Variants in CCDC14 observed in about 807,000 individuals in gnomAD.
CCDC14 encodes the protein coiled-coil domain containing 14.
In CCDC14, 71 loss-of-function variants were observed where a neutral mutation model predicts 81.4. The ratio of observed to expected loss-of-function variants is 0.87; its 90% CI spans 0.72 to 1.06. The LOEUF is 1.06. CCDC14 is among the 50% of genes least tolerant of loss of function. The pLI is 0.00. For synonymous variants in CCDC14, 332 were observed against 364.8 expected (o/e 0.91, Z 1.03); for missense variants, 1,046 against 1,047.3 (o/e 1.00, Z 0.02).
chr3:123,935,627 T>C (rs2036017356), intron 9 of CCDC14, among the ~76,000 whole-genome samples: 1 of 152,208 alleles, frequency 6.6e-6, no homozygotes, highest in Non-Finnish European at 1.5e-5. Flanking sequence ...CTGAGACACA[T>C]TATGAAGTGA....
chr3:123,938,511 G>A (rs1225594246), intron 9 of CCDC14, among the ~76,000 whole-genome samples: 1 of 151,764 alleles, frequency 6.6e-6, no homozygotes, highest in Non-Finnish European at 1.5e-5. Flanking sequence ...GATTCCATAG[G>A]ATCTTCTACA....
chr3:123,909,145 G>C (rs1445466577), downstream of CCDC14, among the ~76,000 whole-genome samples: 1 of 151,952 alleles, frequency 6.6e-6, no homozygotes, highest in East Asian at 1.9e-4. Context: ...CCCACTCTGG[G>C]CCTAGAGATC....
At chr3:123,915,815 AGTGTCTG>A in intron 12 of CCDC14, 97 bp from the exon 13 acceptor site, 1 of 933,076 alleles carries the variant, frequency 1.1e-6, no homozygotes, top group Non-Finnish European at 1.6e-6. Context: ...ATTTGAGAGA[AGTGTCTG>A]GTTCTTAATA....
chr3:123,930,328 G>T (rs955929283), intron 12 of CCDC14, among the ~76,000 whole-genome samples: 2 of 152,188 alleles, frequency 1.3e-5, no homozygotes, highest in Non-Finnish European at 2.9e-5. Context: ...ACACAAGGAA[G>T]ATTATTTTAT....
intron 9 of CCDC14, among the ~76,000 whole-genome samples, chr3:123,935,829 T>C (rs917168775): frequency 1.3e-5 from 2 of 152,118 alleles, no homozygotes; most frequent in Non-Finnish European, 2.9e-5. Flanking sequence ...AAGCCTCTCA[T>C]TCCTACCCTC....
chr3:123,933,731 T>A lies in CCDC14; in HGVS notation c.1368A>T (p.Gln456His). The stretch of plus-strand genomic sequence containing the variant: ...TTTGAGTTTTCTGTTGTTCTCTGAG[T>A]TGCTGGTTCAAAATTCTCAACTGCC... ...LRRQLRILNQ[Q>H]LREQQKTQKP... The change falls in exon 10 of 13, where the codon CAA (glutamine) becomes CAT (histidine). Residue 456 changes from glutamine to histidine, a missense_variant. Coordinates refer to ENST00000409697, the MANE Select transcript of CCDC14 (RefSeq NM_001366335.1). 1 of 1,571,178 alleles carries A rather than the reference T, an allele frequency of 6.4e-7. No individual in the cohort carries two copies.
In CCDC14 at chr3:123,917,445, A is replaced by G. The variant is rs1474794888; in HGVS notation, c.1779-1727T>C. Among the ~76,000 whole-genome samples the G allele has an allele frequency of 5.9e-5, 9 of 151,512 alleles. 1 individual carries two copies. Among genetic ancestry groups the G allele is most frequent in the Non-Finnish European group, 1.5e-5 (1 of 67,860 alleles). ...GGGAGGCAGAGGGTGCAGTAAGCCA[A>G]GATCACTCCACCGCACTCCAGCCTG... On this transcript the variant is annotated intron_variant, in intron 12 of 12. Transcript: ENST00000409697.
At chr3:123,913,146 C>T (rs1335121679), downstream of CCDC14, among the ~76,000 whole-genome samples, 2 of 152,106 alleles carry the variant, frequency 1.3e-5, no homozygotes, top group Non-Finnish European at 2.9e-5. Flanking sequence ...GAAATTTAAC[C>T]AAATTATTGC....
intron 12 of CCDC14, among the ~76,000 whole-genome samples, chr3:123,930,109 TA>T (rs1311608051): frequency 8.1e-4 from 124 of 152,302 alleles, no homozygotes; most frequent in African/African-American, 2.8e-3. Flanking sequence ...CATTGTTAAA[TA>T]AAAGTTTGAA....
intron 12 of CCDC14, among the ~76,000 whole-genome samples, chr3:123,925,516 A>C (rs1490855443): frequency 6.6e-6 from 1 of 151,880 alleles, no homozygotes; most frequent in Non-Finnish European, 1.5e-5. Flanking sequence ...GCTCATCGCA[A>C]CCTCTGCCTC....
At chr3:123,912,611 G>GC (rs1235314829), downstream of CCDC14, among the ~76,000 whole-genome samples, 4 of 151,884 alleles carry the variant, frequency 2.6e-5, no homozygotes, top group Non-Finnish European at 5.9e-5. Context: ...CTGAACTACT[G>GC]CAACAGCTTT....
chr3:123,915,250 T>C lies in CCDC14; in HGVS notation c.2247A>G (p.Leu749=), dbSNP rs1412516280. ...CTGCTCTTATTTGTGGCTGAGGGGA[T>C]AGTCTCTTAGAAAGTGGTGATTTCT... ...PEKKSPLSKR[L]SPQPQIRAAT... Residue 749 remains leucine (L), a synonymous_variant, in exon 13 of 13, where the codon CTA becomes CTG. Coordinates refer to ENST00000409697, the MANE Select transcript of CCDC14 (RefSeq NM_001366335.1). The C allele has an allele frequency of 3.7e-6, 6 of 1,613,834 alleles. No individual in the cohort carries two copies. Among genetic ancestry groups the C allele is most frequent in the African/African-American group, 2.7e-5 (2 of 74,940 alleles).
chr3:123,909,121 A>G (rs1294700886), downstream of CCDC14, among the ~76,000 whole-genome samples: 4 of 151,984 alleles, frequency 2.6e-5, no homozygotes, highest in East Asian at 3.9e-4. Flanking sequence ...AAATATTTGA[A>G]TCTGGTCTCT....
chr3:123,961,039 ATTGTCT>A, intron 1 of CCDC14, 99 bp downstream of exon 1: 1 of 1,023,826 alleles, frequency 9.8e-7, no homozygotes, highest in Non-Finnish European at 1.4e-6. Context: ...ATGTCGCCGC[ATTGTCT>A]TTGTCTTTTT....
intron 7 of CCDC14, among the ~76,000 whole-genome samples, chr3:123,947,959 A>G (rs1367227915): frequency 6.6e-6 from 1 of 152,182 alleles, no homozygotes; most frequent in East Asian, 1.9e-4. Context: ...ATATATTAAT[A>G]AACATGTTTT....
chr3:123,931,303 C>G lies in CCDC14; in HGVS notation c.1645+5G>C, dbSNP rs1356450375. The G allele has an allele frequency of 6.4e-7, 1 of 1,550,846 alleles. No individual in the cohort carries two copies. The highest frequency in any genetic ancestry group is 1.4e-5 in the African/African-American group (1 of 73,206). ...TGTGACCATAACTACTGTCTAAATA[C>G]GTACCAATTTTTATTCTTGTTATCT... On this transcript the variant is annotated splice_donor_5th_base_variant and intron_variant, in intron 11 of 12. Transcript: ENST00000409697.
At chr3:123,961,091 C>G in intron 1 of CCDC14, 53 bp downstream of exon 1, 1 of 1,446,432 alleles carries the variant, frequency 6.9e-7, no homozygotes, top group Non-Finnish European at 9.3e-7. Flanking sequence ...GCCCGAAAAC[C>G]CCCCTGTCCC....
intron 9 of CCDC14, among the ~76,000 whole-genome samples, chr3:123,941,823 A>C (rs1402098462): frequency 1.3e-5 from 2 of 152,072 alleles, no homozygotes; most frequent in African/African-American, 4.8e-5. Context: ...CATTTTCTTG[A>C]GTGGCTTATG....
At chr3:123,897,656 G>T (rs1404061642) in intron 5 of CCDC14, 4 of 942,816 alleles carry the variant, frequency 4.2e-6, no homozygotes, top group African/African-American at 1.7e-5. Context: ...ATAAACTTGG[G>T]ATTACATTCT....
Sources: gnomAD v4.1 joint callset for allele counts (sites outside exome capture counted in the v4.1 genomes callset) on GRCh38, gnomAD v4.1.1 for gene constraint, MANE v1.5 for transcripts, NCBI Gene and HGNC (gene_info 2026-07-23, HGNC 2026-07-21) for gene names.